The following COG5 variants were observed in gnomAD, a reference collection of about 807,000 sequenced individuals.
The protein encoded by COG5 is component of oligomeric golgi complex 5.
COG5 carries 86 observed loss-of-function variants against 110.4 expected under a neutral mutation model. That is an observed-to-expected ratio of 0.78 (90% CI 0.65 to 0.93). The LOEUF (loss-of-function observed/expected upper bound fraction) is 0.93, where lower values mean the gene tolerates loss of function less well. Among genes scored for constraint, COG5 ranks in the 40% least tolerant of loss-of-function variants. The pLI, the probability that COG5 is intolerant of heterozygous loss-of-function variation, is 0.00. For missense variants in COG5, 1,077 were observed against 987.0 expected (o/e 1.09, Z -1.22); for synonymous variants, 360 against 334.6 (o/e 1.08, Z -0.83).
chr7:107,510,676 G>C (rs985918555), intron 6 of COG5, among the ~76,000 whole-genome samples: 1 of 151,898 alleles, frequency 6.6e-6, no homozygotes, highest in Non-Finnish European at 1.5e-5. Context: ...AATGTAAACA[G>C]AAATTATAAC....
chr7:107,497,081 C>T (rs952025790), intron 6 of COG5, among the ~76,000 whole-genome samples: 1 of 151,902 alleles, frequency 6.6e-6, no homozygotes, highest in African/African-American at 2.4e-5. Context: ...GGCATGGTGG[C>T]ATGCCTGTGT....
intron 6 of COG5, among the ~76,000 whole-genome samples, chr7:107,510,252 T>G (rs1453360184): frequency 2.6e-5 from 4 of 151,984 alleles, no homozygotes; most frequent in African/African-American, 7.3e-5. Flanking sequence ...GCAATCCTAG[T>G]CTCTGATAAA....
chr7:107,264,472 G>A (rs746351926), intron 14 of COG5, among the ~76,000 whole-genome samples: 1 of 151,966 alleles, frequency 6.6e-6, no homozygotes, highest in Non-Finnish European at 1.5e-5. Flanking sequence ...CAGGAGGATC[G>A]CTTGAGCCCA....
At chr7:107,418,117 T>C (rs917533958) in intron 6 of COG5, among the ~76,000 whole-genome samples, 1 of 151,800 alleles carries the variant, frequency 6.6e-6, no homozygotes, top group Non-Finnish European at 1.5e-5. Flanking sequence ...TTGTGGTTTA[T>C]AGAGGGTTAT....
In COG5 at chr7:107,419,042, A is replaced by G. The variant is rs117020051; in HGVS notation, c.539-6410T>C. 7.5e-3 allele frequency among the ~76,000 whole-genome samples: 1,137 copies of G among 152,310 alleles called. 27 individuals carry two copies. In the East Asian group the frequency reaches 0.076, roughly 10 times the overall value. On this transcript the variant is annotated intron_variant, in intron 6 of 21. Transcript: ENST00000297135. The stretch of plus-strand genomic sequence containing the variant: ...TGCCTGCCTGTATTTGGAATACTTT[A>G]ATCATATTTAAGTAGAGATCTGATG...
At chr7:107,528,806 C>T (rs772056066) in intron 5 of COG5, among the ~76,000 whole-genome samples, 13 of 152,036 alleles carry the variant, frequency 8.6e-5, no homozygotes, top group Non-Finnish European at 1.5e-4. Flanking sequence ...CCTGAACCTC[C>T]AGGTATAAAC....
rs1196684276 is a variant in COG5 at position 107,218,127 on chromosome 7, A to G, written c.2169-6902T>C. Among the ~76,000 whole-genome samples, 4 of 152,248 alleles carry G rather than the reference A, an allele frequency of 2.6e-5. No individual in the cohort carries two copies. The East Asian group carries it at 5.8e-4, about 22-fold the overall frequency. ...ATGTAAAATACTTAGGAATAAATGT[A>G]CTTAGGAATAAATTTAACCATGGAA... On this transcript the variant is annotated intron_variant, in intron 19 of 21. Coordinates refer to ENST00000297135, the MANE Select transcript of COG5 (RefSeq NM_006348.5).
chr7:107,386,494 G>T (rs1790210557), intron 7 of COG5, among the ~76,000 whole-genome samples: 1 of 152,162 alleles, frequency 6.6e-6, no homozygotes, highest in Admixed American at 6.5e-5. Flanking sequence ...GAAAAGAAGT[G>T]AAAAGCACCG....
intron 6 of COG5, among the ~76,000 whole-genome samples, chr7:107,514,829 A>G (rs184799270): frequency 1.3e-5 from 2 of 152,320 alleles, no homozygotes; most frequent in Non-Finnish European, 2.9e-5. Context: ...AGAATGACCA[A>G]AGTTTTTTTT....
chr7:107,269,671 G>A (rs543137015), intron 14 of COG5, among the ~76,000 whole-genome samples: 2 of 151,928 alleles, frequency 1.3e-5, no homozygotes, highest in South Asian at 2.1e-4. Context: ...CTTATTTTAT[G>A]CAATTAAAGA....
chr7:107,440,855 T>A (rs943287969), intron 6 of COG5, among the ~76,000 whole-genome samples: 1 of 152,166 alleles, frequency 6.6e-6, no homozygotes, highest in African/African-American at 2.4e-5. Context: ...ATATATCTTT[T>A]CTATTTGGCT....
intron 6 of COG5, among the ~76,000 whole-genome samples, chr7:107,467,631 T>G (rs913300776): frequency 1.3e-5 from 2 of 152,168 alleles, no homozygotes; most frequent in Non-Finnish European, 2.9e-5. Context: ...GGATTACAGG[T>G]GAGAGCCACT....
chr7:107,283,883 C>T (rs1805400680), intron 12 of COG5, 151 bp from the exon 13 acceptor site: 1 of 604,282 alleles, frequency 1.7e-6, no homozygotes, highest in East Asian at 2.9e-5. Flanking sequence ...TCACAACGTA[C>T]ATATTTACCA....
At chr7:107,228,436 A>G (rs562676014) in intron 19 of COG5, among the ~76,000 whole-genome samples, 14 of 152,168 alleles carry the variant, frequency 9.2e-5, no homozygotes, top group Non-Finnish European at 1.5e-4. Context: ...CCAGGGCAAC[A>G]TTTTATTACC....
chr7:107,386,793 T>C lies in COG5; in HGVS notation c.670-14033A>G, dbSNP rs1369019888. Among the ~76,000 whole-genome samples, 3 of 152,116 alleles carry C rather than the reference T, an allele frequency of 2.0e-5. 1 individual carries two copies. Among genetic ancestry groups the C allele is most frequent in the South Asian group, 4.1e-4 (2 of 4,826 alleles). On this transcript the variant is annotated intron_variant, in intron 7 of 21. Coordinates refer to ENST00000297135, the MANE Select transcript of COG5 (RefSeq NM_006348.5). ...TAGGGAGAAATCTGAAACAACATTA[T>C]GCACAAGGGCAACAGGTCCCAGCAT...
At chr7:107,228,226 G>T (rs1800505534) in intron 19 of COG5, among the ~76,000 whole-genome samples, 1 of 150,334 alleles carries the variant, frequency 6.7e-6, no homozygotes, top group African/African-American at 2.5e-5. Flanking sequence ...ACTTGGGCAT[G>T]CAAGGTGGAG....
intron 8 of COG5, among the ~76,000 whole-genome samples, chr7:107,363,656 C>T (rs527418440): frequency 6.6e-6 from 1 of 152,086 alleles, no homozygotes; most frequent in African/African-American, 2.4e-5. Context: ...GATACCAAAA[C>T]ACTAAGTGAA....
At chr7:107,450,518 G>GA (rs1795268150) in intron 6 of COG5, among the ~76,000 whole-genome samples, 1 of 152,162 alleles carries the variant, frequency 6.6e-6, no homozygotes, top group Non-Finnish European at 1.5e-5. Context: ...GAAGAGAAAG[G>GA]ATATATGCCT....
chr7:107,305,837 A>G (rs1253310064), intron 11 of COG5, among the ~76,000 whole-genome samples: 1 of 151,986 alleles, frequency 6.6e-6, no homozygotes, highest in African/African-American at 2.4e-5. Context: ...GGCAATAGAG[A>G]GACCGCCTGA....
Sources: allele counts gnomAD v4.1 joint callset (sites outside exome capture counted in the v4.1 genomes callset), GRCh38; gene constraint gnomAD v4.1.1; transcripts MANE v1.5; gene names NCBI Gene and HGNC (gene_info 2026-07-23, HGNC 2026-07-21).